TSPAN18: variants seen among roughly 807,000 people sequenced by gnomAD.
TSPAN18 encodes tetraspanin-18.
In TSPAN18, 14 loss-of-function variants were observed where a neutral mutation model predicts 27.3. That is an observed-to-expected ratio of 0.51 (90% CI 0.34 to 0.80). TSPAN18 has a LOEUF of 0.80. Among genes scored for constraint, TSPAN18 ranks in the 30% least tolerant of loss-of-function variants. The pLI is 0.01. For synonymous variants in TSPAN18, 143 were observed against 136.5 expected, an observed-to-expected ratio of 1.05 and a Z score of -0.33; for missense variants, 268 against 323.9, an observed-to-expected ratio of 0.83 and a Z score of 1.32.
At chr11:44,850,330 A>G (rs956046229) in intron 2 of TSPAN18, among the ~76,000 whole-genome samples, 2 of 152,112 alleles carry the variant, frequency 1.3e-5, no homozygotes, top group Non-Finnish European at 2.9e-5. Flanking sequence ...AACCGATGAC[A>G]ATTCCGTGTC....
At position 44,930,371 on chromosome 11, in the gene TSPAN18, A is replaced by G. The variant is rs1860518055; in HGVS notation, c.*1193A>G. 6.2e-6 allele frequency: 1 copy of G among 160,662 alleles called. No homozygotes were observed. Among genetic ancestry groups the G allele is most frequent in the African/African-American group, 2.4e-5 (1 of 41,614 alleles). The allele number at this position is 160,662 out of a possible 1,614,324, so 10.0% of individuals were successfully genotyped here. On this transcript the variant is annotated 3_prime_UTR_variant, in exon 10 of 10. Transcript: ENST00000520358. Reference sequence around the variant, plus strand: ...TTAGCATCAGCTTAATACACAGAAGAGGTTTCTGTTTTTCTGTGGCTCTGT... The same window carrying G: ...TTAGCATCAGCTTAATACACAGAAGGGGTTTCTGTTTTTCTGTGGCTCTGT...
chr11:44,850,411 G>T (rs1328540898), intron 2 of TSPAN18, among the ~76,000 whole-genome samples: 1 of 152,104 alleles, frequency 6.6e-6, no homozygotes, highest in Non-Finnish European at 1.5e-5. Flanking sequence ...GGAGGGACTC[G>T]CATGATCCCA....
chr11:44,826,880 T>TC (rs764767012), intron 2 of TSPAN18, among the ~76,000 whole-genome samples: 1 of 152,222 alleles, frequency 6.6e-6, no homozygotes, highest in Non-Finnish European at 1.5e-5. Context: ...ATGTCATTTC[T>TC]CCTTTATACA....
chr11:44,835,243 C>T (rs1857241537), intron 2 of TSPAN18, among the ~76,000 whole-genome samples: 1 of 152,238 alleles, frequency 6.6e-6, no homozygotes, highest in Non-Finnish European at 1.5e-5. Flanking sequence ...GCCTAGCATA[C>T]AGCGAGTGTT....
intron 2 of TSPAN18, among the ~76,000 whole-genome samples, chr11:44,804,432 C>G (rs1191817673): frequency 6.6e-6 from 1 of 152,174 alleles, no homozygotes; most frequent in Non-Finnish European, 1.5e-5. Context: ...CACATCAGTT[C>G]TTTTTTGACT....
At chr11:44,868,217 G>A (rs12796216) in intron 3 of TSPAN18, among the ~76,000 whole-genome samples, 38,569 of 152,064 alleles carry the variant, frequency 0.25, 5,103 homozygotes, top group Non-Finnish European at 0.3. Context: ...GCCATCTGCC[G>A]TCACTCTCTG....
chr11:44,894,255 T>A (rs1858956708), intron 3 of TSPAN18, among the ~76,000 whole-genome samples: 1 of 152,240 alleles, frequency 6.6e-6, no homozygotes, highest in African/African-American at 2.4e-5. Flanking sequence ...GGCTTATGGC[T>A]GGCACAGGCA....
intron 2 of TSPAN18, among the ~76,000 whole-genome samples, chr11:44,800,617 C>T (rs1180738421): frequency 6.6e-6 from 1 of 152,224 alleles, no homozygotes; most frequent in East Asian, 1.9e-4. Context: ...TGCAGCTGTT[C>T]TCTGCCAGAG....
At position 44,923,565 on chromosome 11, in the gene TSPAN18, C is replaced by A. The variant is rs111560354; in HGVS notation, c.616-3109C>A. Reference sequence around the variant, plus strand: ...GGAGGGAGAACCCAGCCGCTCATGCCAGCCCCCTTTCCCTTAAGCACAGAG... The same window carrying A: ...GGAGGGAGAACCCAGCCGCTCATGCAAGCCCCCTTTCCCTTAAGCACAGAG... On this transcript the variant is annotated intron_variant, in intron 8 of 9. Coordinates refer to ENST00000520358, the MANE Select transcript of TSPAN18 (RefSeq NM_130783.5). Among the ~76,000 whole-genome samples the A allele has an allele frequency of 7.1e-3, 1,084 of 152,272 alleles. 20 individuals are homozygous for A. The highest frequency in any genetic ancestry group is 0.025 in the African/African-American group (1,027 of 41,542).
intron 2 of TSPAN18, among the ~76,000 whole-genome samples, chr11:44,774,723 C>T (rs1391016602): frequency 6.6e-6 from 1 of 152,154 alleles, no homozygotes; most frequent in African/African-American, 2.4e-5. Context: ...GAAAAACTCC[C>T]ACTCCCTGAG....
chr11:44,907,948 G>A (rs754828651), intron 4 of TSPAN18, among the ~76,000 whole-genome samples: 4 of 151,882 alleles, frequency 2.6e-5, no homozygotes, highest in Non-Finnish European at 4.4e-5. Flanking sequence ...CCAGCTACTC[G>A]GGAGGCTGAG....
intron 9 of TSPAN18, among the ~76,000 whole-genome samples, chr11:44,927,585 G>A (rs867865253): frequency 3.9e-5 from 6 of 152,186 alleles, no homozygotes; most frequent in Admixed American, 6.5e-5. Context: ...TGCAGATGGC[G>A]GAGAGGGAGG....
intron 5 of TSPAN18, among the ~76,000 whole-genome samples, chr11:44,911,744 T>A (rs1339307004): frequency 6.6e-6 from 1 of 151,786 alleles, no homozygotes; most frequent in East Asian, 1.9e-4. Context: ...GCGGCTCTAG[T>A]CTCCTCCAGT....
chr11:44,778,289 G>C (rs545223631), intron 2 of TSPAN18, among the ~76,000 whole-genome samples: 228 of 152,282 alleles, frequency 1.5e-3, no homozygotes, highest in African/African-American at 5.2e-3. Flanking sequence ...CTTATGGGGA[G>C]AGGGGAGTTT....
At chr11:44,795,869 A>T (rs1297333378) in intron 2 of TSPAN18, among the ~76,000 whole-genome samples, 1 of 152,020 alleles carries the variant, frequency 6.6e-6, no homozygotes, top group East Asian at 1.9e-4. Flanking sequence ...CTTTGGGGTG[A>T]TCTGGGACTA....
At chr11:44,908,831 A>AAAAGAAAGAAAG (rs1590671474) in intron 4 of TSPAN18, among the ~76,000 whole-genome samples, 1 of 96,160 alleles carries the variant, frequency 1.0e-5, no homozygotes, top group East Asian at 2.6e-4. Flanking sequence ...AAGAAAGAAA[A>AAAAGAAAGAAAG]AGAAAAATGG....
At chr11:44,833,862 T>C (rs1857207417) in intron 2 of TSPAN18, among the ~76,000 whole-genome samples, 1 of 152,026 alleles carries the variant, frequency 6.6e-6, no homozygotes, top group African/African-American at 2.4e-5. Context: ...CCTCCCCATC[T>C]AATCACTTGC....
chr11:44,766,929 C>T (rs1472083418), intron 2 of TSPAN18, among the ~76,000 whole-genome samples: 1 of 152,170 alleles, frequency 6.6e-6, no homozygotes, highest in Non-Finnish European at 1.5e-5. Context: ...GCATGCACCC[C>T]ACAGGGTGGT....
intron 3 of TSPAN18, among the ~76,000 whole-genome samples, chr11:44,890,691 C>T (rs886857406): frequency 7.0e-6 from 1 of 143,568 alleles, no homozygotes; most frequent in South Asian, 2.2e-4. Context: ...AGGAGTGAGC[C>T]GAGATCACGC....
Sources: gnomAD v4.1 joint callset for allele counts (sites outside exome capture counted in the v4.1 genomes callset) on GRCh38, gnomAD v4.1.1 for gene constraint, MANE v1.5 for transcripts, NCBI Gene and HGNC (gene_info 2026-07-23, HGNC 2026-07-21) for gene names.